The following SLC35F3 variants were observed in gnomAD, a reference collection of about 807,000 sequenced individuals.
The protein encoded by SLC35F3 is solute carrier family 35 member F3, also known as putative thiamine transporter SLC35F3.
SLC35F3 carries 25 observed loss-of-function variants against 49.9 expected under a neutral mutation model. The observed-to-expected ratio is 0.50, with a 90% confidence interval of 0.37 to 0.70. The LOEUF (loss-of-function observed/expected upper bound fraction) is 0.70. SLC35F3 is among the 30% of genes least tolerant of loss of function. The pLI is 0.00. For synonymous variants in SLC35F3, 275 were observed against 265.4 expected, an observed-to-expected ratio of 1.04 and a Z score of -0.35; for missense variants, 525 against 639.8, an observed-to-expected ratio of 0.82 and a Z score of 1.94.
At chr1:234,164,291 C>T (rs1666278410) in intron 2 of SLC35F3, among the ~76,000 whole-genome samples, 1 of 151,008 alleles carries the variant, frequency 6.6e-6, no homozygotes, top group African/African-American at 2.4e-5. Context: ...ATTCTCTCTC[C>T]CTCTTTCTCT....
rs956434373 is a variant in SLC35F3, at chr1:234,023,003, C to T, written c.283+117245C>T. On this transcript the variant is annotated intron_variant, in intron 2 of 7. Coordinates refer to ENST00000366618, the MANE Select transcript of SLC35F3 (RefSeq NM_173508.4). Reference sequence around the variant, plus strand: ...AGTAAGGGGCTGTGGGATCACAGAACAGGGACTAACATCTAGGCTTGGAGG... The same window carrying T: ...AGTAAGGGGCTGTGGGATCACAGAATAGGGACTAACATCTAGGCTTGGAGG... Among the ~76,000 whole-genome samples the T allele has an allele frequency of 2.0e-5, 3 of 152,124 alleles. No individual in the cohort carries two copies. The South Asian group carries it at 6.2e-4, about 32-fold the overall frequency.
At chr1:234,185,353 G>T (rs1040240151) in intron 2 of SLC35F3, among the ~76,000 whole-genome samples, 2 of 152,234 alleles carry the variant, frequency 1.3e-5, no homozygotes, top group African/African-American at 4.8e-5. Flanking sequence ...GCATTGCTCA[G>T]CTCTTTGCTG....
chr1:233,971,593 C>T (rs1163888944), intron 2 of SLC35F3, among the ~76,000 whole-genome samples: 1 of 151,958 alleles, frequency 6.6e-6, no homozygotes, highest in African/African-American at 2.4e-5. Context: ...GTGGTGGTAG[C>T]CTGTAATCCC....
rs116700891 is a variant in SLC35F3, at chr1:234,141,142, A to G, written c.284-90275A>G. 6.4e-3 allele frequency among the ~76,000 whole-genome samples: 968 copies of G among 152,324 alleles called. 14 individuals are homozygous for G. The highest frequency in any genetic ancestry group is 0.022 in the African/African-American group (916 of 41,572). On this transcript the variant is annotated intron_variant, in intron 2 of 7. Transcript: ENST00000366618. The stretch of plus-strand genomic sequence containing the variant: ...GTCAGCCTCTTCTTGTTTGACATGC[A>G]GATGGTGTCCTCCCTGGCATTTTTA...
At chr1:234,019,881 TA>T (rs1433727510) in intron 2 of SLC35F3, among the ~76,000 whole-genome samples, 1 of 152,214 alleles carries the variant, frequency 6.6e-6, no homozygotes, top group African/African-American at 2.4e-5. Flanking sequence ...GTTGCCTAGT[TA>T]ACATTACAAA....
intron 2 of SLC35F3, among the ~76,000 whole-genome samples, chr1:234,075,193 C>G (rs1026192884): frequency 1.3e-5 from 2 of 152,136 alleles, no homozygotes; most frequent in Non-Finnish European, 2.9e-5. Context: ...ACAAAGGACA[C>G]AGATGATTTA....
rs1403787534 is a variant in SLC35F3 at position 234,316,737 on chromosome 1, G to T, written c.954+10G>T. 6.3e-7 allele frequency: 1 copy of T among 1,592,614 alleles called. No homozygotes were observed. The highest frequency in any genetic ancestry group is 8.6e-7 in the Non-Finnish European group (1 of 1,162,540). The stretch of plus-strand genomic sequence containing the variant: ...GTCTGCCCTCTACAAGGTACGCCCG[G>T]GGAGTGAACTTTCTCAGCTGGCTGG... On this transcript the variant is annotated intron_variant, in intron 5 of 7. Coordinates refer to ENST00000366618, the MANE Select transcript of SLC35F3 (RefSeq NM_173508.4).
At chr1:234,033,489 G>A (rs982770885) in intron 2 of SLC35F3, among the ~76,000 whole-genome samples, 2 of 152,182 alleles carry the variant, frequency 1.3e-5, no homozygotes, top group African/African-American at 4.8e-5. Context: ...ATAGTTTCAG[G>A]TCTTAGATTT....
At chr1:234,280,397 C>A (rs1412262485) in intron 3 of SLC35F3, among the ~76,000 whole-genome samples, 1 of 152,206 alleles carries the variant, frequency 6.6e-6, no homozygotes, top group Admixed American at 6.5e-5. Flanking sequence ...GCTGTTTAAA[C>A]CTTTCTACTG....
intron 7 of SLC35F3, among the ~76,000 whole-genome samples, chr1:234,321,517 C>T (rs1221318932): frequency 6.6e-6 from 1 of 152,204 alleles, no homozygotes; most frequent in Non-Finnish European, 1.5e-5. Context: ...TCACTTGTCA[C>T]CGTCCTCCCC....
intron 2 of SLC35F3, among the ~76,000 whole-genome samples, chr1:234,092,750 C>A (rs986252998): frequency 1.3e-5 from 2 of 152,158 alleles, no homozygotes; most frequent in Non-Finnish European, 2.9e-5. Context: ...TGCCTATAGT[C>A]CCAGCTACTC....
chr1:234,189,024 G>C (rs186848184), intron 2 of SLC35F3, among the ~76,000 whole-genome samples: 1 of 152,174 alleles, frequency 6.6e-6, no homozygotes. Flanking sequence ...CTACATCCAA[G>C]GGAGCACCCC....
intron 2 of SLC35F3, among the ~76,000 whole-genome samples, chr1:234,169,781 T>C (rs1199995412): frequency 6.6e-6 from 1 of 152,072 alleles, no homozygotes; most frequent in African/African-American, 2.4e-5. Flanking sequence ...TTTTGTTTTG[T>C]TTTTGAGTTG....
intron 3 of SLC35F3, among the ~76,000 whole-genome samples, chr1:234,249,005 G>T (rs1667692701): frequency 6.6e-6 from 1 of 152,230 alleles, no homozygotes; most frequent in Admixed American, 6.5e-5. Flanking sequence ...GATTTTGCAG[G>T]TGCTCTGGGT....
chr1:234,196,503 G>A (rs1357267302), intron 2 of SLC35F3, among the ~76,000 whole-genome samples: 1 of 152,218 alleles, frequency 6.6e-6, no homozygotes. Context: ...CTGGCACTAA[G>A]CCCCAATCTG....
At chr1:234,321,748 C>T (rs929259195) in intron 7 of SLC35F3, among the ~76,000 whole-genome samples, 6 of 152,114 alleles carry the variant, frequency 3.9e-5, no homozygotes, top group African/African-American at 9.7e-5. Flanking sequence ...AGAGAGAAGC[C>T]GGGGACCCTG....
chr1:234,262,816 A>G (rs899397134), intron 3 of SLC35F3, among the ~76,000 whole-genome samples: 4 of 152,176 alleles, frequency 2.6e-5, no homozygotes, highest in Non-Finnish European at 5.9e-5. Context: ...TCCAGCCCCA[A>G]GGTGCGGGTT....
intron 3 of SLC35F3, among the ~76,000 whole-genome samples, chr1:234,289,046 G>T (rs1668465985): frequency 6.6e-6 from 1 of 152,206 alleles, no homozygotes; most frequent in African/African-American, 2.4e-5. Context: ...GGAAGAGAAA[G>T]CATAGCCATG....
chr1:233,942,641 C>G (rs762448542), intron 2 of SLC35F3, among the ~76,000 whole-genome samples: 39 of 152,110 alleles, frequency 2.6e-4, no homozygotes, highest in Admixed American at 4.6e-4. Flanking sequence ...CTCAAACTCC[C>G]AGGCTCAAGC....
Sources: allele counts gnomAD v4.1 joint callset (sites outside exome capture counted in the v4.1 genomes callset), GRCh38; gene constraint gnomAD v4.1.1; transcripts MANE v1.5; gene names NCBI Gene and HGNC (gene_info 2026-07-23, HGNC 2026-07-21).